ZNF862: variants seen among roughly 807,000 people sequenced by gnomAD.
ZNF862 encodes zinc finger protein 862.
Under a neutral mutation model 91.1 loss-of-function variants are expected in ZNF862, and 64 were observed. The observed-to-expected ratio is 0.70, with a 90% CI of 0.57 to 0.87. The LOEUF (loss-of-function observed/expected upper bound fraction) is 0.87, where lower values mean the gene tolerates loss of function less well. Ranked by LOEUF, ZNF862 falls within the 40% of genes least tolerant of loss-of-function variation. The probability of loss-of-function intolerance (pLI) is 0.00; values close to 1 mark genes in which losing one functional copy is unlikely to be tolerated. For missense variants in ZNF862, 1,459 were observed against 1,528.0 expected (o/e 0.95, Z 0.75); for synonymous variants, 631 against 618.1 (o/e 1.02, Z -0.31).
chr7:149,838,601 A>C lies in ZNF862; in HGVS notation c.-11A>C, dbSNP rs1025851469. 9.0e-6 allele frequency: 11 copies of C among 1,223,936 alleles called. No individual in the cohort carries two copies. Among genetic ancestry groups the C allele is most frequent in the Non-Finnish European group, 1.1e-5 (11 of 978,822 alleles). The allele number at this position is 1,223,936 out of a possible 1,614,324, so 75.8% of individuals were successfully genotyped here. ...GGGGAGGGGGCGGCACGGGCCTCCGAAAGCGGGGCCATGGAGCCCAGAGAG... is the reference window on the plus strand; with the variant it reads ...GGGGAGGGGGCGGCACGGGCCTCCGCAAGCGGGGCCATGGAGCCCAGAGAG... On this transcript the variant is annotated 5_prime_UTR_variant, in exon 1 of 8. Transcript: ENST00000223210.
chr7:149,859,350 G>T (rs977427713), intron 5 of ZNF862, 72 bp from the exon 6 acceptor site: 1 of 1,302,214 alleles, frequency 7.7e-7, no homozygotes, highest in Admixed American at 2.0e-5. Context: ...TCAGGGACTG[G>T]GTCTAGCTTG....
chr7:149,846,506 G>T (rs1801877148), intron 3 of ZNF862, among the ~76,000 whole-genome samples: 2 of 152,176 alleles, frequency 1.3e-5, no homozygotes, highest in Non-Finnish European at 2.9e-5. Context: ...TAAGTTCCAT[G>T]AAGGCATGAC....
intron 1 of ZNF862, among the ~76,000 whole-genome samples, chr7:149,843,392 C>T (rs985305851): frequency 2.0e-5 from 3 of 152,156 alleles, no homozygotes; most frequent in African/African-American, 7.2e-5. Flanking sequence ...TTTCATGGCA[C>T]AAAACTTAAA....
At chr7:149,844,026 G>C (rs1043901169) in intron 1 of ZNF862, among the ~76,000 whole-genome samples, 4 of 151,960 alleles carry the variant, frequency 2.6e-5, no homozygotes, top group Non-Finnish European at 5.9e-5. Flanking sequence ...TGGGGAGGGG[G>C]TCTTTTAAAT....
intron 1 of ZNF862, chr7:149,841,377 G>A (rs1036801707): frequency 1.0e-6 from 1 of 985,202 alleles, no homozygotes; most frequent in Non-Finnish European, 1.2e-6. Context: ...ACAGAATAAT[G>A]GATAAGGGTC....
At chr7:149,863,896 C>T (rs1375543305) in intron 7 of ZNF862, among the ~76,000 whole-genome samples, 1 of 152,238 alleles carries the variant, frequency 6.6e-6, no homozygotes, top group African/African-American at 2.4e-5. Flanking sequence ...CAAATGGCCC[C>T]TGGGGGACAA....
chr7:149,851,154 G>A (rs942117046), intron 5 of ZNF862, among the ~76,000 whole-genome samples: 6 of 152,234 alleles, frequency 3.9e-5, no homozygotes, highest in African/African-American at 1.2e-4. Flanking sequence ...CTGGAGTGCA[G>A]TGGCGTGATC....
chr7:149,860,387 C>T lies in ZNF862; in HGVS notation c.1227C>T (p.Asn409=). The T allele has an allele frequency of 1.2e-6, 2 of 1,606,968 alleles. No homozygotes were observed. The highest frequency in any genetic ancestry group is 1.7e-6 in the Non-Finnish European group (2 of 1,176,362). Reference sequence around the variant, plus strand: ...ATGATTCAATTTTCTCCAAAGGGAACAAGAAGATGGTGGCAGTGAGAGAGG... The same window carrying T: ...ATGATTCAATTTTCTCCAAAGGGAATAAGAAGATGGTGGCAGTGAGAGAGG... ...PKWGKGRPPG[N]KKMVAVREAD... Residue 409 remains asparagine, a synonymous_variant, in exon 7 of 8, where the codon AAC becomes AAT. Coordinates refer to ENST00000223210, the MANE Select transcript of ZNF862 (RefSeq NM_001099220.3).
intron 4 of ZNF862, among the ~76,000 whole-genome samples, chr7:149,849,667 G>T (rs1801995418): frequency 6.6e-6 from 1 of 152,150 alleles, no homozygotes; most frequent in East Asian, 1.9e-4. Context: ...ATATTTTTTA[G>T]TATTAGAAGC....
intron 5 of ZNF862, among the ~76,000 whole-genome samples, chr7:149,857,431 C>T (rs1301435824): frequency 1.3e-5 from 2 of 151,794 alleles, no homozygotes; most frequent in Non-Finnish European, 2.9e-5. Context: ...CTGTTATTTC[C>T]TCTTTCATGA....
At position 149,862,244 on chromosome 7, in the gene ZNF862, G is replaced by C; in HGVS notation, c.3084G>C (p.Val1028=). Residue 1028 remains valine, a synonymous_variant, in exon 7 of 8, where the codon GTG becomes GTC. Transcript: ENST00000223210. Reference sequence around the variant, plus strand: ...CCCTGCTAAGCAAGCTCATGGCCGTGGTGGTCTGTGTGCCCATCTCCACCT... The same window carrying C: ...CCCTGCTAAGCAAGCTCATGGCCGTCGTGGTCTGTGTGCCCATCTCCACCT... The part of the protein sequence containing the change: ...RFPLLSKLMA[V]VVCVPISTSC... 6.2e-7 allele frequency: 1 copy of C among 1,613,764 alleles called. No homozygotes were observed. The highest frequency in any genetic ancestry group is 8.5e-7 in the Non-Finnish European group (1 of 1,179,860).
chr7:149,847,808 G>A lies in ZNF862; in HGVS notation c.315G>A (p.Pro105=), dbSNP rs149637534. The part of the protein sequence containing the change: ...GPTRESGQSL[P]PQKKAYLSHL... ...CCAGGGAGAGTGGACAGTCCCTCCC[G>A]CCTCAGAAGAAAGCCTACCTTTCCC... The change falls in exon 4 of 8, where the codon CCG becomes CCA. Residue 105 remains proline, a synonymous_variant. Transcript: ENST00000223210. 12,963 of 1,613,788 alleles carry A rather than the reference G, an allele frequency of 8.0e-3. 165 individuals carry two copies. Among genetic ancestry groups the A allele is most frequent in the South Asian group, 0.041 (3,744 of 91,038 alleles).
In ZNF862 at chr7:149,865,798, G is replaced by T. The variant is rs565749258; in HGVS notation, c.*1514G>T. 6.6e-6 allele frequency: 1 copy of T among 152,406 alleles called. No individual in the cohort carries two copies. Among genetic ancestry groups the T allele is most frequent in the East Asian group, 1.9e-4 (1 of 5,168 alleles). The allele number at this position is 152,406 out of a possible 1,614,324, so 9.4% of individuals were successfully genotyped here. On this transcript the variant is annotated 3_prime_UTR_variant, in exon 8 of 8. Transcript: ENST00000223210. ...CAGGCAGGTCCTGTGCTGTGCTGCA[G>T]GCCCCTGTGGGTGGGCCCTTTCTCC...
rs1380513203 is a variant in ZNF862 at position 149,860,805 on chromosome 7, A to G, written c.1645A>G (p.Ser549Gly). 7 of 1,613,752 alleles carry G rather than the reference A, an allele frequency of 4.3e-6. No individual in the cohort carries two copies. The East Asian group carries it at 1.3e-4, about 31-fold the overall frequency. The change falls in exon 7 of 8, where the codon AGC becomes GGC. Residue 549 changes from serine to glycine, a missense_variant. Physicochemically the swap from Ser to Gly is moderately conservative, Grantham distance 56. Coordinates refer to ENST00000223210, the MANE Select transcript of ZNF862 (RefSeq NM_001099220.3). ...PHTALVPEIS[S>G]DLMANMEHFF... ...CACTGCCCTCGTTCCAGAGATCTCCAGCGACCTCATGGCCAACATGGAGCA... is the reference window on the plus strand; with the variant it reads ...CACTGCCCTCGTTCCAGAGATCTCCGGCGACCTCATGGCCAACATGGAGCA...
At chr7:149,862,593 C>G in intron 7 of ZNF862, 99 bp downstream of exon 7, 1 of 1,340,354 alleles carries the variant, frequency 7.5e-7, no homozygotes, top group Non-Finnish European at 9.9e-7. Context: ...TGTCATGCAC[C>G]CACCCATTTG....
At position 149,844,848 on chromosome 7, in the gene ZNF862, G is replaced by T. The variant is rs575703143; in HGVS notation, c.136+112G>T. ...TTCTGGAATCCAAGCATTTGTCTAGGCATCTTTACTCCACCTGTCTGCTCG... is the reference window on the plus strand; with the variant it reads ...TTCTGGAATCCAAGCATTTGTCTAGTCATCTTTACTCCACCTGTCTGCTCG... On this transcript the variant is annotated intron_variant, in intron 2 of 7. Transcript: ENST00000223210. 4.2e-6 allele frequency: 3 copies of T among 708,912 alleles called. No homozygotes were observed. In the South Asian group the frequency reaches 5.2e-5, roughly 12 times the overall value. 43.9% of individuals were successfully genotyped at this position (708,912 alleles called of 1,614,324 possible).
chr7:149,865,837 TCCC>T lies in ZNF862; in HGVS notation c.*1554_*1556del, dbSNP rs1802697837. The T allele has an allele frequency of 6.6e-6, 1 of 152,230 alleles. No individual in the cohort carries two copies. Among genetic ancestry groups the T allele is most frequent in the East Asian group, 1.9e-4 (1 of 5,152 alleles). The allele number at this position is 152,230 out of a possible 1,614,324, so 9.4% of individuals were successfully genotyped here. On this transcript the variant is annotated 3_prime_UTR_variant, in exon 8 of 8. Coordinates refer to ENST00000223210, the MANE Select transcript of ZNF862 (RefSeq NM_001099220.3). ...GGCCCTTTCTCCATAGTCTGCCGCT[TCCC>T]ATTCCCAGGGTAGATGCTGGCATCT...
rs747193955 is a variant in ZNF862 at position 149,848,214 on chromosome 7, A to G, written c.721A>G (p.Ile241Val). Residue 241 changes from isoleucine (I) to valine (V), a missense_variant, in exon 4 of 8, where the codon ATA (isoleucine) becomes GTA (valine). Coordinates refer to ENST00000223210, the MANE Select transcript of ZNF862 (RefSeq NM_001099220.3). ...PEPLFTADCP[I>V]FYPPGPLGGF... is the part of the protein sequence containing the mutation. ...GCCGCTCTTCACTGCAGATTGCCCC[A>G]TATTCTACCCCCCAGGGCCTCTGGG... The G allele has an allele frequency of 3.1e-6, 5 of 1,613,918 alleles. No individual in the cohort carries two copies. Among genetic ancestry groups the G allele is most frequent in the East Asian group, 2.2e-5 (1 of 44,870 alleles).
In ZNF862 at chr7:149,850,183, C is replaced by T. The variant is rs760393168; in HGVS notation, c.962C>T (p.Ser321Leu). 41 of 1,577,690 alleles carry T rather than the reference C, an allele frequency of 2.6e-5. No individual in the cohort carries two copies. The highest frequency in any genetic ancestry group is 1.4e-4 in the African/African-American group (10 of 73,966). Reference protein sequence around the residue: ...CIQDPSAEGLSEEVPVVFEEL... With the variant: ...CIQDPSAEGLLEEVPVVFEEL... ...CAGGACCCTTCTGCAGAGGGGCTGT[C>T]GGAGGAGGTTCCTGTGGTGTTTGAG... The change falls in exon 5 of 8, where the codon TCG (serine) becomes TTG (leucine). Residue 321 changes from serine (S) to leucine (L), a missense_variant. Transcript: ENST00000223210. This position sits in a 1 kb window ranked among gnomAD's most constrained non-coding sequence, Gnocchi z 4.2.
Sources: gnomAD v4.1 joint callset for allele counts (sites outside exome capture counted in the v4.1 genomes callset) on GRCh38, gnomAD v4.1.1 for gene constraint, Gnocchi (gnomAD v3.1) non-coding constraint, MANE v1.5 for transcripts, NCBI Gene and HGNC (gene_info 2026-07-23, HGNC 2026-07-21) for gene names.